MSTN: variants seen among roughly 807,000 people sequenced by gnomAD.
MSTN encodes growth/differentiation factor 8.
Under a neutral mutation model 32.3 loss-of-function variants are expected in MSTN, and 12 were observed. The ratio of observed to expected loss-of-function variants is 0.37; its 90% CI spans 0.24 to 0.60. MSTN has a LOEUF of 0.60. Ranked by LOEUF, MSTN falls within the 20% of genes least tolerant of loss-of-function variation. The pLI, the probability that MSTN is intolerant of heterozygous loss-of-function variation, is 0.67. For synonymous variants in MSTN, 168 were observed against 155.1 expected (o/e 1.08, Z -0.62); for missense variants, 403 against 450.3 (o/e 0.89, Z 0.95).
intron 2 of MSTN, among the ~76,000 whole-genome samples, chr2:190,058,123 A>G (rs980390284): frequency 2.0e-5 from 3 of 152,078 alleles, no homozygotes; most frequent in African/African-American, 7.2e-5. Flanking sequence ...GAAAACTTGG[A>G]CAATAAAACC....
Position 190,057,207 on chromosome 2 carries a change from G to C in MSTN, c.*51C>G, listed in dbSNP as rs769776345. On this transcript the variant is annotated 3_prime_UTR_variant, in exon 3 of 3. Transcript: ENST00000260950. ...TTAATTTCACAGCTTCAAAATTGTT[G>C]AGGGGAAAACCTTCCATGTTTTAGG... 2 of 1,605,588 alleles carry C rather than the reference G, an allele frequency of 1.2e-6. No homozygotes were observed. Among genetic ancestry groups the C allele is most frequent in the Non-Finnish European group, 1.7e-6 (2 of 1,174,002 alleles).
rs755983197 is a variant in MSTN, at chr2:190,057,417, A to G, written c.969T>C (p.His323=). 3.7e-6 allele frequency: 6 copies of G among 1,613,600 alleles called. No individual in the cohort carries two copies. In the Admixed American group the frequency reaches 8.3e-5, roughly 22 times the overall value. ...GGTTTGCTTGGTGTACCAGATGAGT[A>G]TGAGGATATTTTTGTAAAAATACAA... ...CEFVFLQKYP[H]THLVHQANPR... The change falls in exon 3 of 3, where the codon CAT becomes CAC. Residue 323 remains histidine, a synonymous_variant. Transcript: ENST00000260950.
chr2:190,061,414 A>G (rs1285709381), intron 1 of MSTN, among the ~76,000 whole-genome samples: 1 of 152,008 alleles, frequency 6.6e-6, no homozygotes, highest in African/African-American at 2.4e-5. Flanking sequence ...AGCAGTGTAG[A>G]TACTACAGGT....
chr2:190,060,558 G>A lies in MSTN; in HGVS notation c.374-123C>T. On this transcript the variant is annotated intron_variant, in intron 1 of 2. Transcript: ENST00000260950. ...GTATGCCTATGCAGTCTTTTAAAATGAAATACCGTGTGGAACTTTATAACT... is the reference window on the plus strand; with the variant it reads ...GTATGCCTATGCAGTCTTTTAAAATAAAATACCGTGTGGAACTTTATAACT... The A allele has an allele frequency of 7.3e-6, 6 of 825,770 alleles. No homozygotes were observed. The South Asian group carries it at 1.1e-4, about 15-fold the overall frequency. The allele number at this position is 825,770 out of a possible 1,614,324, so 51.2% of individuals were successfully genotyped here. A position where few individuals can be genotyped will look rare whatever the true frequency, so the allele number is the denominator to read the frequency against.
In MSTN at chr2:190,057,353, T is replaced by C; in HGVS notation, c.1033A>G (p.Met345Val). The part of the protein sequence containing the change: ...SAGPCCTPTK[M>V]SPINMLYFNG... ...AAATATAGCATATTAATTGGAGACA[T>C]CTTTGTGGGAGTACAGCAAGGGCCT... Residue 345 changes from methionine to valine, a missense_variant, in exon 3 of 3, where the codon ATG becomes GTG. Physicochemically the swap from Met to Val is conservative, Grantham distance 21. Coordinates refer to ENST00000260950, the MANE Select transcript of MSTN (RefSeq NM_005259.3). 2 of 1,613,658 alleles carry C rather than the reference T, an allele frequency of 1.2e-6. No homozygotes were observed. The highest frequency in any genetic ancestry group is 1.7e-5 in the Admixed American group (1 of 59,958).
chr2:190,057,849 C>G (rs1685478729), intron 2 of MSTN, among the ~76,000 whole-genome samples: 1 of 151,986 alleles, frequency 6.6e-6, no homozygotes, highest in Non-Finnish European at 1.5e-5. Flanking sequence ...TACAAATTCC[C>G]CTAAGGTCAG....
rs1450639427 is a variant in MSTN at position 190,062,407 on chromosome 2, G to A, written c.190C>T (p.Leu64Phe). 1 of 1,613,346 alleles carries A rather than the reference G, an allele frequency of 6.2e-7. No individual in the cohort carries two copies. Among genetic ancestry groups the A allele is most frequent in the Non-Finnish European group, 8.5e-7 (1 of 1,179,590 alleles). ...ATGTTAGGAGCTGTTTCCAGACGAAGTTTACTGAGGATTTGTATCTTAATG... is the reference window on the plus strand; with the variant it reads ...ATGTTAGGAGCTGTTTCCAGACGAAATTTACTGAGGATTTGTATCTTAATG... ...EAIKIQILSK[L>F]RLETAPNISK... Residue 64 changes from leucine (L) to phenylalanine (F), a missense_variant, in exon 1 of 3, where the codon CTT becomes TTT. Leu to Phe is a conservative substitution (Grantham distance 22). Transcript: ENST00000260950.
intron 2 of MSTN, among the ~76,000 whole-genome samples, chr2:190,058,652 C>T (rs1462298479): frequency 2.6e-5 from 4 of 151,918 alleles, no homozygotes; most frequent in African/African-American, 9.7e-5. Context: ...GGTATATATA[C>T]ACCATGGAAT....
At chr2:190,059,495 G>A (rs1283908042) in intron 2 of MSTN, among the ~76,000 whole-genome samples, 2 of 151,780 alleles carry the variant, frequency 1.3e-5, no homozygotes, top group African/African-American at 4.8e-5. Context: ...ACACATCAGT[G>A]CATCAACATC....
chr2:190,060,352 T>C lies in MSTN; in HGVS notation c.457A>G (p.Lys153Glu). The C allele has an allele frequency of 6.2e-7, 1 of 1,612,698 alleles. No individual in the cohort carries two copies. The highest frequency in any genetic ancestry group is 1.1e-5 in the South Asian group (1 of 91,006). ...SSKIQYNKVV[K>E]AQLWIYLRPV... ...CTCAAATATATCCATAGTTGGGCCT[T>C]TACTACTTTATTGTATTGTATTTTA... Residue 153 changes from lysine (K) to glutamate (E), a missense_variant, in exon 2 of 3, where the codon AAG becomes GAG. Lys to Glu is a moderately conservative substitution (Grantham distance 56, BLOSUM62 1). Coordinates refer to ENST00000260950, the MANE Select transcript of MSTN (RefSeq NM_005259.3).
Position 190,060,418 on chromosome 2 carries a change from C to T in MSTN, c.391G>A (p.Val131Met). Reference sequence around the variant, plus strand: ...AAGCAACATTTGGGTTTTCCATCCACTTGCATTAGAAAATCAGCTATAAAT... The same window carrying T: ...AAGCAACATTTGGGTTTTCCATCCATTTGCATTAGAAAATCAGCTATAAAT... The part of the protein sequence containing the change: ...MPTESDFLMQ[V>M]DGKPKCCFFK... Residue 131 changes from valine (V) to methionine (M), a missense_variant, in exon 2 of 3, where the codon GTG becomes ATG. Physicochemically the swap from Val to Met is conservative, Grantham distance 21. Transcript: ENST00000260950. 6.2e-7 allele frequency: 1 copy of T among 1,609,932 alleles called. No homozygotes were observed. The highest frequency in any genetic ancestry group is 1.7e-4 in the Middle Eastern group (1 of 6,016).
In MSTN at chr2:190,062,237, G is replaced by C. The variant is rs1685615527; in HGVS notation, c.360C>G (p.Thr120=). The C allele has an allele frequency of 6.2e-7, 1 of 1,612,756 alleles. No homozygotes were observed. The highest frequency in any genetic ancestry group is 1.7e-5 in the Admixed American group (1 of 59,894). The change falls in exon 1 of 3, where the codon ACC becomes ACG. Residue 120 remains threonine (T), a synonymous_variant. Coordinates refer to ENST00000260950, the MANE Select transcript of MSTN (RefSeq NM_005259.3). The stretch of plus-strand genomic sequence containing the variant: ...AGGACTACTTACACTCTGTAGGCAT[G>C]GTAATGATTGTTTCCGTTGTAGCGT... ...DYHATTETII[T]MPTESDFLMQ...
chr2:190,057,247 T>G lies in MSTN; in HGVS notation c.*11A>C. ...CATGTTTTAGGAAGTTATGAACGCT[T>G]AATATAAATCTCATGAGCACCCACA... On this transcript the variant is annotated 3_prime_UTR_variant, in exon 3 of 3. Transcript: ENST00000260950. The G allele has an allele frequency of 6.2e-7, 1 of 1,612,920 alleles. No individual in the cohort carries two copies.
intron 2 of MSTN, among the ~76,000 whole-genome samples, chr2:190,058,555 G>A (rs889052883): frequency 1.3e-5 from 2 of 151,898 alleles, no homozygotes; most frequent in African/African-American, 2.4e-5. Flanking sequence ...ACCTGCACAC[G>A]TATGTTTATC....
At position 190,060,081 on chromosome 2, in the gene MSTN, C is replaced by A; in HGVS notation, c.728G>T (p.Gly243Val). The part of the protein sequence containing the change: ...NGHDLAVTFP[G>V]PGEDGLNPFL... ...ACTTACCAGCCCATCTTCTCCTGGT[C>A]CTGGGAAGGTTACAGCAAGATCATG... Residue 243 changes from glycine to valine, a missense_variant, in exon 2 of 3, where the codon GGA (glycine) becomes GTA (valine). Coordinates refer to ENST00000260950, the MANE Select transcript of MSTN (RefSeq NM_005259.3). 1.2e-6 allele frequency: 2 copies of A among 1,612,338 alleles called. No homozygotes were observed. Among genetic ancestry groups the A allele is most frequent in the South Asian group, 2.2e-5 (2 of 90,940 alleles).
chr2:190,059,896 T>G (rs1042423970), intron 2 of MSTN, among the ~76,000 whole-genome samples, 166 bp downstream of exon 2: 3 of 151,974 alleles, frequency 2.0e-5, no homozygotes, highest in Admixed American at 1.3e-4. Context: ...TCATAGGATA[T>G]GAAATTGGAC....
At chr2:190,057,937 T>C (rs763643225) in intron 2 of MSTN, among the ~76,000 whole-genome samples, 17 of 151,842 alleles carry the variant, frequency 1.1e-4, no homozygotes, top group Non-Finnish European at 2.2e-4. Flanking sequence ...CCTGAAAATA[T>C]TTATGGGAAG....
At chr2:190,058,734 C>T (rs988176016) in intron 2 of MSTN, among the ~76,000 whole-genome samples, 3 of 151,862 alleles carry the variant, frequency 2.0e-5, no homozygotes, top group African/African-American at 4.8e-5. Flanking sequence ...GGCCATTATT[C>T]GAAGGGAATG....
chr2:190,060,083 T>G lies in MSTN; in HGVS notation c.726A>C (p.Pro242=), dbSNP rs1202942598. 1.2e-6 allele frequency: 2 copies of G among 1,612,520 alleles called. No individual in the cohort carries two copies. The highest frequency in any genetic ancestry group is 1.7e-6 in the Non-Finnish European group (2 of 1,178,864). The change falls in exon 2 of 3, where the codon CCA becomes CCC. Residue 242 remains proline, a synonymous_variant. Coordinates refer to ENST00000260950, the MANE Select transcript of MSTN (RefSeq NM_005259.3). ...TTACCAGCCCATCTTCTCCTGGTCCTGGGAAGGTTACAGCAAGATCATGAC... is the reference window on the plus strand; with the variant it reads ...TTACCAGCCCATCTTCTCCTGGTCCGGGGAAGGTTACAGCAAGATCATGAC... The part of the protein sequence containing the change: ...ENGHDLAVTF[P]GPGEDGLNPF...
Sources: gnomAD v4.1 joint callset for allele counts (sites outside exome capture counted in the v4.1 genomes callset) on GRCh38, gnomAD v4.1.1 for gene constraint, MANE v1.5 for transcripts, NCBI Gene and HGNC (gene_info 2026-07-23, HGNC 2026-07-21) for gene names.